CHPT1: variants seen among roughly 807,000 people sequenced by gnomAD.
CHPT1 encodes the protein cholinephosphotransferase 1.
In CHPT1, 36 loss-of-function variants were observed where a neutral mutation model predicts 47.6. The ratio of observed to expected loss-of-function variants is 0.76; its 90% confidence interval spans 0.58 to 1.00. The LOEUF is 1.00. Among genes scored for constraint, CHPT1 ranks in the 50% least tolerant of loss-of-function variants. The pLI is 0.00. For missense variants in CHPT1, 458 were observed against 498.1 expected (o/e 0.92, Z 0.77); for synonymous variants, 194 against 186.3 (o/e 1.04, Z -0.33).
At chr12:101,707,280 A>G (rs1951646987) in intron 1 of CHPT1, among the ~76,000 whole-genome samples, 1 of 152,190 alleles carries the variant, frequency 6.6e-6, no homozygotes. Context: ...AATAAACAAG[A>G]GGACTTTGTG....
intron 4 of CHPT1, among the ~76,000 whole-genome samples, chr12:101,719,099 G>T (rs1594138488): frequency 6.9e-6 from 1 of 144,846 alleles, no homozygotes; most frequent in Admixed American, 7.0e-5. Flanking sequence ...AGAGGTTGCA[G>T]TGAGCCAAGA....
intron 7 of CHPT1, among the ~76,000 whole-genome samples, chr12:101,725,479 G>C (rs1951928203): frequency 6.6e-6 from 1 of 152,086 alleles, no homozygotes; most frequent in Non-Finnish European, 1.5e-5. Context: ...GTATTACCAA[G>C]TGGAATTGCT....
At chr12:101,704,074 G>A (rs1377047573) in intron 1 of CHPT1, among the ~76,000 whole-genome samples, 1 of 152,128 alleles carries the variant, frequency 6.6e-6, no homozygotes, top group Non-Finnish European at 1.5e-5. Context: ...TCAATGTTTG[G>A]ATAATTGAAA....
chr12:101,716,876 T>TC, intron 4 of CHPT1, 64 bp downstream of exon 4: 2 of 1,007,424 alleles, frequency 2.0e-6, no homozygotes, highest in South Asian at 1.7e-5. Context: ...AAGTATTGCA[T>TC]TGTTAATTTT....
intron 1 of CHPT1, among the ~76,000 whole-genome samples, chr12:101,709,775 G>C (rs1290949506): frequency 6.7e-6 from 1 of 148,686 alleles, no homozygotes; most frequent in Non-Finnish European, 1.5e-5. Context: ...TATTGTGTGA[G>C]GGGGAAAGTG....
At chr12:101,723,969 C>CTGGG in intron 7 of CHPT1, 122 bp downstream of exon 7, 1 of 710,824 alleles carries the variant, frequency 1.4e-6, no homozygotes. Context: ...GTAATCCCAG[C>CTGGG]ACTTTGGGAG....
chr12:101,720,808 C>T (rs1311073255), intron 5 of CHPT1, among the ~76,000 whole-genome samples: 1 of 152,096 alleles, frequency 6.6e-6, no homozygotes, highest in Non-Finnish European at 1.5e-5. Context: ...TATTTTTTCA[C>T]ATTTGTTTTT....
chr12:101,697,689 C>A lies in CHPT1; in HGVS notation c.-173C>A, dbSNP rs371859199. 5.9e-6 allele frequency: 1 copy of A among 169,422 alleles called. No homozygotes were observed. Among genetic ancestry groups the A allele is most frequent in the African/African-American group, 2.4e-5 (1 of 41,622 alleles). 10.5% of individuals were successfully genotyped at this position (169,422 alleles called of 1,614,324 possible). On this transcript the variant is annotated 5_prime_UTR_variant, in exon 1 of 9. Transcript: ENST00000229266. ...GGCCCCACAGCTTCTGGGGCTGGGG[C>A]CCCGGCAGCCGGGCAGGCCGGCCTG...
chr12:101,719,695 A>T (rs1951817966), intron 4 of CHPT1: 2 of 318,578 alleles, frequency 6.3e-6, no homozygotes, highest in East Asian at 9.1e-5. Flanking sequence ...TTTAAGTCAG[A>T]TGAAATCTTA....
At chr12:101,718,325 C>A (rs1399825239) in intron 4 of CHPT1, among the ~76,000 whole-genome samples, 2 of 152,080 alleles carry the variant, frequency 1.3e-5, no homozygotes, top group Admixed American at 1.3e-4. Flanking sequence ...ACAAACGTAC[C>A]ACGCTGGTGT....
intron 1 of CHPT1, 45 bp downstream of exon 1, chr12:101,698,179 G>A: frequency 2.2e-6 from 3 of 1,384,584 alleles, no homozygotes; most frequent in Non-Finnish European, 2.8e-6. Flanking sequence ...ATGCGCTGCG[G>A]GCGGGTCGCT....
Position 101,698,060 on chromosome 12 carries a change from A to T in CHPT1, c.199A>T (p.Thr67Ser), listed in dbSNP as rs1271757889. 4 of 1,572,938 alleles carry T rather than the reference A, an allele frequency of 2.5e-6. No individual in the cohort carries two copies. The African/African-American group carries it at 5.6e-5, about 22-fold the overall frequency. The change falls in exon 1 of 9, where the codon ACC (threonine) becomes TCC (serine). Residue 67 changes from threonine to serine, a missense_variant. Coordinates refer to ENST00000229266, the MANE Select transcript of CHPT1 (RefSeq NM_020244.3). ...IPLWMAPNSI[T>S]LLGLAVNVVT... is the part of the protein sequence containing the mutation. ...GCTCTGGATGGCCCCCAACTCCATC[A>T]CCCTGCTGGGGCTCGCCGTCAACGT...
At chr12:101,724,354 CA>C (rs1461028706) in intron 7 of CHPT1, among the ~76,000 whole-genome samples, 1 of 151,892 alleles carries the variant, frequency 6.6e-6, no homozygotes, top group African/African-American at 2.4e-5. Context: ...GCCAGGTTTC[CA>C]ACAACCTGGA....
intron 1 of CHPT1, among the ~76,000 whole-genome samples, chr12:101,699,520 T>G (rs1460167140): frequency 6.6e-6 from 1 of 151,850 alleles, no homozygotes; most frequent in African/African-American, 2.4e-5. Flanking sequence ...CCTGAATAGC[T>G]GGGACTACAC....
At chr12:101,716,301 T>G (rs981410755) in intron 3 of CHPT1, among the ~76,000 whole-genome samples, 1 of 152,214 alleles carries the variant, frequency 6.6e-6, no homozygotes, top group Admixed American at 6.5e-5. Flanking sequence ...TTTTCCCTGC[T>G]TTTTAAGTGA....
chr12:101,714,595 T>C lies in CHPT1; in HGVS notation c.513T>C (p.Phe171=). The change falls in exon 3 of 9, where the codon TTT becomes TTC. Residue 171 remains phenylalanine (F), a synonymous_variant. Coordinates refer to ENST00000229266, the MANE Select transcript of CHPT1 (RefSeq NM_020244.3). ...FFCSFIGMFV[F]YCAHWQTYVS... is the part of the protein sequence containing the mutation. The stretch of plus-strand genomic sequence containing the variant: ...GCTCTTTTATTGGGATGTTTGTGTT[T>C]TATTGCGCTCATTGGCAGACTTATG... 1.2e-6 allele frequency: 2 copies of C among 1,612,536 alleles called. No individual in the cohort carries two copies. Among genetic ancestry groups the C allele is most frequent in the East Asian group, 4.5e-5 (2 of 44,740 alleles).
At position 101,723,821 on chromosome 12, in the gene CHPT1, G is replaced by T; in HGVS notation, c.1039G>T (p.Glu347Ter). Residue 347 changes from glutamate to a stop codon, truncating the protein, a stop_gained, in exon 7 of 9, where the codon GAA becomes TAA. Coordinates refer to ENST00000229266, the MANE Select transcript of CHPT1 (RefSeq NM_020244.3). LOFTEE classifies it high-confidence loss of function. ...LDQYFNNFID[E>*]YVVLWMAMVI... is the part of the protein sequence containing the mutation. ...CCAGTACTTTAATAACTTTATAGAC[G>T]AATATGTTGTTCTATGGATGGCAAT... The T allele has an allele frequency of 6.6e-7, 1 of 1,524,106 alleles. No homozygotes were observed. Among genetic ancestry groups the T allele is most frequent in the African/African-American group, 1.4e-5 (1 of 71,730 alleles). 94.4% of individuals were successfully genotyped at this position (1,524,106 alleles called of 1,614,324 possible).
intron 3 of CHPT1, 145 bp downstream of exon 3, chr12:101,714,790 C>T: frequency 1.4e-6 from 1 of 692,714 alleles, no homozygotes; most frequent in South Asian, 2.9e-5. Flanking sequence ...AATGCTACAC[C>T]TTAAGTCTTT....
chr12:101,698,074 C>G lies in CHPT1; in HGVS notation c.213C>G (p.Leu71=), dbSNP rs771635194. 1.9e-6 allele frequency: 3 copies of G among 1,568,134 alleles called. No individual in the cohort carries two copies. The highest frequency in any genetic ancestry group is 2.6e-6 in the Non-Finnish European group (3 of 1,165,428). The change falls in exon 1 of 9, where the codon CTC becomes CTG. Residue 71 remains leucine (L), a synonymous_variant. Coordinates refer to ENST00000229266, the MANE Select transcript of CHPT1 (RefSeq NM_020244.3). ...CCAACTCCATCACCCTGCTGGGGCT[C>G]GCCGTCAACGTGGTCACCACGCTCG... ...MAPNSITLLG[L]AVNVVTTLVL... is the part of the protein sequence containing the mutation.
Sources: allele counts gnomAD v4.1 joint callset (sites outside exome capture counted in the v4.1 genomes callset), GRCh38; gene constraint gnomAD v4.1.1; transcripts MANE v1.5; gene names NCBI Gene and HGNC (gene_info 2026-07-23, HGNC 2026-07-21).